Variants in GPC5 observed in about 807,000 individuals in gnomAD.
The protein encoded by GPC5 is glypican 5.
Under a neutral mutation model 53.9 loss-of-function variants are expected in GPC5, and 47 were observed. That is an observed-to-expected ratio of 0.87 (90% CI 0.69 to 1.11). The LOEUF (loss-of-function observed/expected upper bound fraction) is 1.11, where lower values mean the gene tolerates loss of function less well. Ranked by LOEUF, GPC5 falls within the 50% of genes most tolerant of loss-of-function variation. The pLI is 0.00. For synonymous variants in GPC5, 286 were observed against 263.3 expected (o/e 1.09, Z -0.84); for missense variants, 748 against 713.1 (o/e 1.05, Z -0.56).
At chr13:91,631,309 G>A (rs1455561524) in intron 2 of GPC5, among the ~76,000 whole-genome samples, 2 of 151,954 alleles carry the variant, frequency 1.3e-5, no homozygotes, top group South Asian at 2.1e-4. Context: ...GGACCTTGAC[G>A]CTATGCTTTA....
At chr13:92,564,606 A>C (rs2139033631) in intron 7 of GPC5, among the ~76,000 whole-genome samples, 2 of 152,108 alleles carry the variant, frequency 1.3e-5, no homozygotes, top group Middle Eastern at 3.4e-3. Flanking sequence ...TTTGGGATAC[A>C]AATGTTACCG....
rs184971052 is a variant in GPC5, at chr13:92,502,722, C to T, written c.1561+357733C>T. Among the ~76,000 whole-genome samples, 107 of 152,078 alleles carry T rather than the reference C, an allele frequency of 7.0e-4. 1 individual carries two copies. The highest frequency in any genetic ancestry group is 4.1e-4 in the Non-Finnish European group (28 of 67,888). The stretch of plus-strand genomic sequence containing the variant: ...AATCAAGCATGGTCAGAACTGAAAA[C>T]ACAAACAGACACATTCCCAAGTAGA... On this transcript the variant is annotated intron_variant, in intron 7 of 7. Coordinates refer to ENST00000377067, the MANE Select transcript of GPC5 (RefSeq NM_004466.6).
At position 92,122,429 on chromosome 13, in the gene GPC5, C is replaced by T. The variant is rs151060372; in HGVS notation, c.1402-22401C>T. ...GCAGCGAGGTGTGAACACGTAGCTC[C>T]GATTACGCTTCTGCTTGCTTCAGCC... On this transcript the variant is annotated intron_variant, in intron 6 of 7. Coordinates refer to ENST00000377067, the MANE Select transcript of GPC5 (RefSeq NM_004466.6). Among the ~76,000 whole-genome samples, 17 of 151,890 alleles carry T rather than the reference C, an allele frequency of 1.1e-4. No homozygotes were observed. The East Asian group carries it at 1.8e-3, about 16-fold the overall frequency.
intron 6 of GPC5, among the ~76,000 whole-genome samples, chr13:92,063,950 C>T (rs1234883468): frequency 2.6e-5 from 4 of 151,942 alleles, no homozygotes; most frequent in Non-Finnish European, 5.9e-5. Context: ...CACTTTTGTT[C>T]AAATTGTGAT....
Position 91,589,670 on chromosome 13 carries a change from A to G in GPC5, c.326-103517A>G, listed in dbSNP as rs147490461. Among the ~76,000 whole-genome samples, 277 of 152,184 alleles carry G rather than the reference A, an allele frequency of 1.8e-3. 6 individuals are homozygous for G. Among genetic ancestry groups the G allele is most frequent in the Admixed American group, 0.014 (221 of 15,266 alleles). On this transcript the variant is annotated intron_variant, in intron 2 of 7. Transcript: ENST00000377067. ...CAAAGGGTACAATTTTCAGTCCTTC[A>G]CTCAAAAAGTCAACTTCATCATCTT... is the stretch of plus-strand genomic sequence containing the variant.
chr13:91,572,268 C>A, intron 2 of GPC5, among the ~76,000 whole-genome samples: 1 of 146,848 alleles, frequency 6.8e-6, no homozygotes. Context: ...TATGTATATA[C>A]ATGTGTATAT....
intron 5 of GPC5, among the ~76,000 whole-genome samples, chr13:91,831,331 C>T (rs1034270431): frequency 2.0e-5 from 3 of 151,594 alleles, no homozygotes; most frequent in African/African-American, 7.3e-5. Context: ...GCTTTATATT[C>T]CCTTGAAGCT....
intron 7 of GPC5, among the ~76,000 whole-genome samples, chr13:92,542,536 G>T (rs1202382469): frequency 6.6e-6 from 1 of 151,890 alleles, no homozygotes; most frequent in African/African-American, 2.4e-5. Flanking sequence ...TATAAGTTTT[G>T]ATTACTTTGT....
intron 7 of GPC5, chr13:92,658,924 GTTTTTTTTTTTTT>G (rs71123426): frequency 1.2e-5 from 1 of 85,632 alleles, no homozygotes; most frequent in East Asian, 4.0e-4. Flanking sequence ...TATATGTTTT[GTTTTTTTTTTTTT>G]TTTTTTTTTG....
chr13:92,752,600 G>A (rs1042444818), intron 7 of GPC5, among the ~76,000 whole-genome samples: 4 of 152,134 alleles, frequency 2.6e-5, no homozygotes, highest in Non-Finnish European at 4.4e-5. Flanking sequence ...ACTAGGGAGT[G>A]CCAGACAGTG....
At chr13:91,453,080 C>CT (rs906346558) in intron 2 of GPC5, among the ~76,000 whole-genome samples, 3 of 151,228 alleles carry the variant, frequency 2.0e-5, no homozygotes, top group Admixed American at 1.3e-4. Flanking sequence ...AATTATTTAA[C>CT]TTTTTTTTGA....
intron 7 of GPC5, among the ~76,000 whole-genome samples, chr13:92,534,080 A>C (rs1372298658): frequency 6.6e-6 from 1 of 152,166 alleles, no homozygotes; most frequent in Non-Finnish European, 1.5e-5. Context: ...TGAGCCCATT[A>C]GATCAAGACC....
chr13:91,756,065 CT>C (rs1268715382), intron 4 of GPC5, among the ~76,000 whole-genome samples: 593 of 52,212 alleles, frequency 0.011, 6 homozygotes, highest in African/African-American at 0.042. Flanking sequence ...AAAATACTAG[CT>C]TTTTTTTTGA....
chr13:91,939,001 T>C (rs1182099241), intron 6 of GPC5, among the ~76,000 whole-genome samples: 1 of 152,106 alleles, frequency 6.6e-6, no homozygotes, highest in Admixed American at 6.6e-5. Flanking sequence ...TTTAAATGAC[T>C]ACTGTCATTA....
At chr13:92,734,634 T>G (rs986208314) in intron 7 of GPC5, among the ~76,000 whole-genome samples, 1 of 151,940 alleles carries the variant, frequency 6.6e-6, no homozygotes, top group Admixed American at 6.6e-5. Context: ...CCATTCTCAC[T>G]CTTAGTCCAT....
rs548926151 is a variant in GPC5 at position 92,163,535 on chromosome 13, A to G, written c.1561+18546A>G. 4.6e-5 allele frequency among the ~76,000 whole-genome samples: 7 copies of G among 151,998 alleles called. No individual in the cohort carries two copies. In the South Asian group the frequency reaches 1.0e-3, roughly 22 times the overall value. On this transcript the variant is annotated intron_variant, in intron 7 of 7. Transcript: ENST00000377067. ...ACAGTAAAAATTAATGAGAATTTCTACTGAGTATTCTATTTCCCCAACATG... is the reference window on the plus strand; with the variant it reads ...ACAGTAAAAATTAATGAGAATTTCTGCTGAGTATTCTATTTCCCCAACATG...
chr13:92,309,481 T>A (rs2043132110), intron 7 of GPC5, among the ~76,000 whole-genome samples: 1 of 152,124 alleles, frequency 6.6e-6, no homozygotes, highest in Non-Finnish European at 1.5e-5. Flanking sequence ...AGTATGTCTG[T>A]CACTATTGAT....
At chr13:92,174,177 A>T (rs925303872) in intron 7 of GPC5, among the ~76,000 whole-genome samples, 1 of 148,502 alleles carries the variant, frequency 6.7e-6, no homozygotes, top group Non-Finnish European at 1.5e-5. Flanking sequence ...TTACGTCATT[A>T]AAAAAATATG....
chr13:91,729,344 G>C (rs998958772), intron 4 of GPC5, among the ~76,000 whole-genome samples: 1 of 151,996 alleles, frequency 6.6e-6, no homozygotes, highest in African/African-American at 2.4e-5. Flanking sequence ...CTTAAAACTA[G>C]AGGAAATTAT....
Sources: gnomAD v4.1 joint callset for allele counts (sites outside exome capture counted in the v4.1 genomes callset) on GRCh38, gnomAD v4.1.1 for gene constraint, MANE v1.5 for transcripts, NCBI Gene and HGNC (gene_info 2026-07-23, HGNC 2026-07-21) for gene names.